KLHL36: variants seen among roughly 807,000 people sequenced by gnomAD.
KLHL36 encodes kelch like family member 36.
A neutral mutation model predicts 53.3 loss-of-function variants in KLHL36; 35 were observed. The ratio of observed to expected loss-of-function variants is 0.66; its 90% CI spans 0.50 to 0.87. The LOEUF (loss-of-function observed/expected upper bound fraction) is 0.87. KLHL36 is among the 40% of genes least tolerant of loss of function. KLHL36 has a pLI of 0.00. For missense variants in KLHL36, 864 were observed against 897.6 expected (o/e 0.96, Z 0.48); for synonymous variants, 472 against 398.9 (o/e 1.18, Z -2.18).
At position 84,659,935 on chromosome 16, in the gene KLHL36, G is replaced by A; in HGVS notation, c.1295+18G>A. 1 of 1,595,992 alleles carries A rather than the reference G, an allele frequency of 6.3e-7. No individual in the cohort carries two copies. Among genetic ancestry groups the A allele is most frequent in the Non-Finnish European group, 8.6e-7 (1 of 1,165,836 alleles). On this transcript the variant is annotated intron_variant, in intron 4 of 4. Transcript: ENST00000564996. ...TTGCCAAGGTGATCTGGGGCTTGGT[G>A]GAAGGTTCTCCAAATGGGATGTTTT...
intron 3 of KLHL36, chr16:84,658,222 CG>C (rs1567559974): frequency 3.2e-6 from 1 of 315,536 alleles, no homozygotes; most frequent in East Asian, 5.1e-5. Flanking sequence ...CTTCCCGATA[CG>C]GTAGCCACAG....
In KLHL36 at chr16:84,661,481, A is replaced by G; in HGVS notation, c.1296-97A>G. ...CCACTCCCTATATTCTTAAATCCTC[A>G]TGGCCCTCTAAGACGGCAGGCTGTT... On this transcript the variant is annotated intron_variant, in intron 4 of 4. Transcript: ENST00000564996. The surrounding 1 kb of genome is among the most constrained non-coding windows in gnomAD (Gnocchi z 7.9). 2 of 1,225,194 alleles carry G rather than the reference A, an allele frequency of 1.6e-6. No individual in the cohort carries two copies. The highest frequency in any genetic ancestry group is 2.4e-5 in the East Asian group (1 of 42,490). 75.9% of individuals were successfully genotyped at this position (1,225,194 alleles called of 1,614,324 possible). A position where few individuals can be genotyped will look rare whatever the true frequency, so the allele number is the denominator to read the frequency against.
intron 3 of KLHL36, chr16:84,658,767 C>T (rs1907372462): frequency 6.6e-6 from 1 of 152,214 alleles, no homozygotes; most frequent in Admixed American, 6.5e-5. Context: ...TATACTCACA[C>T]CTCAGCGTCG....
intron 4 of KLHL36, among the ~76,000 whole-genome samples, chr16:84,660,855 C>G (rs1597223649): frequency 6.6e-6 from 1 of 152,138 alleles, no homozygotes; most frequent in Non-Finnish European, 1.5e-5. Flanking sequence ...CTCCTAGCCT[C>G]AAGAGATCCA....
Position 84,659,896 on chromosome 16 carries a change from C to G in KLHL36, c.1274C>G (p.Ser425Cys), listed in dbSNP as rs1463665801. The change falls in exon 4 of 5, where the codon TCC (serine) becomes TGC (cysteine). Residue 425 changes from serine (S) to cysteine (C), a missense_variant. Coordinates refer to ENST00000564996, the MANE Select transcript of KLHL36 (RefSeq NM_024731.4). ...TACAGTCCCAAGACTGACTCCTGGT[C>G]CTATGTGGCCGGCTTGCCAAGGTGA... ...ETYSPKTDSW[S>C]YVAGLPRFTY... 7.5e-6 allele frequency: 12 copies of G among 1,607,496 alleles called. No homozygotes were observed. The highest frequency in any genetic ancestry group is 1.0e-5 in the Non-Finnish European group (12 of 1,174,726).
intron 2 of KLHL36, among the ~76,000 whole-genome samples, chr16:84,651,680 C>T (rs1185138055): frequency 6.6e-6 from 1 of 152,084 alleles, no homozygotes; most frequent in African/African-American, 2.4e-5. Flanking sequence ...CATGGATTCT[C>T]AATGAGTATG....
Position 84,651,121 on chromosome 16 carries a change from A to T in KLHL36, c.63+191A>T, listed in dbSNP as rs575647318. ...AATCAGACAGTGGGAAGTATGAGGG[A>T]TGGTAGAGACGCTATGGCCAGATGT... On this transcript the variant is annotated intron_variant, in intron 2 of 4. Transcript: ENST00000564996. 1.2e-3 allele frequency among the ~76,000 whole-genome samples: 184 copies of T among 152,202 alleles called. 1 individual carries two copies. The Middle Eastern group carries it at 0.034, about 28-fold the overall frequency.
At chr16:84,658,096 G>A in intron 3 of KLHL36, 152 bp downstream of exon 3, 1 of 637,012 alleles carries the variant, frequency 1.6e-6, no homozygotes, top group South Asian at 2.7e-5. Context: ...ATACCCCGGG[G>A]CCTACATCCT....
At chr16:84,652,776 C>G (rs1906976066) in intron 2 of KLHL36, among the ~76,000 whole-genome samples, 1 of 152,204 alleles carries the variant, frequency 6.6e-6, no homozygotes, top group Admixed American at 6.5e-5. Context: ...GTCGGGTACT[C>G]TTGTGTGTGG....
intron 3 of KLHL36, chr16:84,658,982 A>C (rs964820594): frequency 6.6e-6 from 1 of 151,128 alleles, no homozygotes; most frequent in East Asian, 1.9e-4. Flanking sequence ...AAAAAAGAAA[A>C]AAAAAAGTTG....
Position 84,662,200 on chromosome 16 carries a change from T to C in KLHL36, c.*67T>C. ...CAGGGCTCTGTAGACCAGCAGCAACTTCTTAGTATTCCGGAAACATTATGT... is the reference window on the plus strand; with the variant it reads ...CAGGGCTCTGTAGACCAGCAGCAACCTCTTAGTATTCCGGAAACATTATGT... On this transcript the variant is annotated 3_prime_UTR_variant, in exon 5 of 5. Transcript: ENST00000564996. The C allele has an allele frequency of 1.5e-6, 2 of 1,335,324 alleles. No individual in the cohort carries two copies. The highest frequency in any genetic ancestry group is 2.0e-6 in the Non-Finnish European group (2 of 1,005,468). The allele number at this position is 1,335,324 out of a possible 1,614,324, so 82.7% of individuals were successfully genotyped here. A position where few individuals can be genotyped will look rare whatever the true frequency, so the allele number is the denominator to read the frequency against.
Position 84,659,669 on chromosome 16 carries a change from A to C in KLHL36, c.1138-91A>C. ...TCCCAAACATTCTCCGGGGTTGTGC[A>C]TTCCGCAGACACATTTGGGAACCGC... On this transcript the variant is annotated intron_variant, in intron 3 of 4. Transcript: ENST00000564996. The C allele has an allele frequency of 3.8e-6, 5 of 1,327,424 alleles. No individual in the cohort carries two copies. The Admixed American group carries it at 9.3e-5, about 25-fold the overall frequency. The allele number at this position is 1,327,424 out of a possible 1,614,324, so 82.2% of individuals were successfully genotyped here.
Position 84,659,928 on chromosome 16 carries a change from G to T in KLHL36, c.1295+11G>T, listed in dbSNP as rs1355366275. ...GGCCGGCTTGCCAAGGTGATCTGGG[G>T]CTTGGTGGAAGGTTCTCCAAATGGG... On this transcript the variant is annotated intron_variant, in intron 4 of 4. Coordinates refer to ENST00000564996, the MANE Select transcript of KLHL36 (RefSeq NM_024731.4). 3 of 1,600,162 alleles carry T rather than the reference G, an allele frequency of 1.9e-6. No individual in the cohort carries two copies. The South Asian group carries it at 3.3e-5, about 18-fold the overall frequency.
In KLHL36 at chr16:84,661,734, C is replaced by T; in HGVS notation, c.1452C>T (p.Gly484=). ...GGCGGCCCATGACCACGGCGCGCGG[C>T]TGGCACAGCATGTGCAGCCTGGGTG... ...EERRPMTTAR[G]WHSMCSLGDS... is the part of the protein sequence containing the mutation. Residue 484 remains glycine (G), a synonymous_variant, in exon 5 of 5, where the codon GGC becomes GGT. Transcript: ENST00000564996. This position sits in a 1 kb window ranked among gnomAD's most constrained non-coding sequence, Gnocchi z 7.9. 1 of 1,613,504 alleles carries T rather than the reference C, an allele frequency of 6.2e-7. No individual in the cohort carries two copies.
Position 84,649,548 on chromosome 16 carries a change from G to T in KLHL36, c.-17+899G>T, listed in dbSNP as rs117239050. Among the ~76,000 whole-genome samples, 58 of 152,338 alleles carry T rather than the reference G, an allele frequency of 3.8e-4. 1 individual carries two copies. In the East Asian group the frequency reaches 0.01, roughly 27 times the overall value. ...CCGCGGTGGGCACCGCACCAACGCT[G>T]GGTTTCTTCTCTTCCCTCTCTGGGC... On this transcript the variant is annotated intron_variant, in intron 1 of 4. Transcript: ENST00000564996.
rs1445809835 is a variant in KLHL36 at position 84,666,557 on chromosome 16, A to G, written c.*4424A>G. The G allele has an allele frequency of 6.6e-6, 1 of 152,162 alleles. No homozygotes were observed. Among genetic ancestry groups the G allele is most frequent in the Non-Finnish European group, 1.5e-5 (1 of 68,034 alleles). The allele number at this position is 152,162 out of a possible 1,614,324, so 9.4% of individuals were successfully genotyped here. Reference sequence around the variant, plus strand: ...CTGGTCCACGTCTCACCTTTGCCATACGGGTCATTTCTTGATCAAATATAT... The same window carrying G: ...CTGGTCCACGTCTCACCTTTGCCATGCGGGTCATTTCTTGATCAAATATAT... On this transcript the variant is annotated 3_prime_UTR_variant, in exon 5 of 5. Transcript: ENST00000564996.
In KLHL36 at chr16:84,661,830, G is replaced by C; in HGVS notation, c.1548G>C (p.Val516=). The C allele has an allele frequency of 6.2e-7, 1 of 1,608,208 alleles. No individual in the cohort carries two copies. The highest frequency in any genetic ancestry group is 1.1e-5 in the South Asian group (1 of 90,928). ...TGGAGCGCTTCGACGTGCTGGGCGT[G>C]GAGGCCTACAGCCCGCAGTGCAACC... ...ESMERFDVLG[V]EAYSPQCNQW... Residue 516 remains valine (V), a synonymous_variant, in exon 5 of 5, where the codon GTG becomes GTC. Coordinates refer to ENST00000564996, the MANE Select transcript of KLHL36 (RefSeq NM_024731.4). This position sits in a 1 kb window ranked among gnomAD's most constrained non-coding sequence, Gnocchi z 7.9.
rs928441480 is a variant in KLHL36 at position 84,660,096 on chromosome 16, G to T, written c.1295+179G>T. 1.5e-4 allele frequency among the ~76,000 whole-genome samples: 23 copies of T among 152,266 alleles called. 2 individuals are homozygous for T. The highest frequency in any genetic ancestry group is 7.2e-4 in the Admixed American group (11 of 15,288). ...GAGGGCGTGACGGTGCACAGTCCGG[G>T]CTCCGGTTTCAGACTTAGGGCAAGG... On this transcript the variant is annotated intron_variant, in intron 4 of 4. Transcript: ENST00000564996.
At chr16:84,656,811 T>G (rs1363583484) in intron 2 of KLHL36, 60 bp from the exon 3 acceptor site, 3 of 1,289,774 alleles carry the variant, frequency 2.3e-6, no homozygotes, top group Admixed American at 3.9e-5. Flanking sequence ...CAGGACCCAC[T>G]GGGTTGGACC....
Sources: gnomAD v4.1 joint callset for allele counts (sites outside exome capture counted in the v4.1 genomes callset) on GRCh38, gnomAD v4.1.1 for gene constraint, Gnocchi (gnomAD v3.1) non-coding constraint, MANE v1.5 for transcripts, NCBI Gene and HGNC (gene_info 2026-07-23, HGNC 2026-07-21) for gene names.